COL5A2: variants seen among roughly 807,000 people sequenced by gnomAD.
The protein encoded by COL5A2 is collagen alpha-2(V) chain.
Under a neutral mutation model 208.2 loss-of-function variants are expected in COL5A2, and 23 were observed. The ratio of observed to expected loss-of-function variants is 0.11; its 90% CI spans 0.08 to 0.16. COL5A2 has a LOEUF of 0.16. Among genes scored for constraint, COL5A2 ranks in the 10% least tolerant of loss-of-function variants. The probability of loss-of-function intolerance (pLI) is 1.00; values close to 1 mark genes in which losing one functional copy is unlikely to be tolerated. For synonymous variants in COL5A2, 625 were observed against 628.5 expected, an observed-to-expected ratio of 0.99 and a Z score of 0.08; for missense variants, 1,590 against 1,956.4, an observed-to-expected ratio of 0.81 and a Z score of 3.53.
At chr2:189,115,915 T>G (rs1041000674) in intron 1 of COL5A2, among the ~76,000 whole-genome samples, 3 of 152,150 alleles carry the variant, frequency 2.0e-5, no homozygotes, top group Non-Finnish European at 4.4e-5. Flanking sequence ...CTTTTTTGAA[T>G]GAAAGGGAAT....
At chr2:189,173,388 T>C (rs1688611862) in intron 1 of COL5A2, among the ~76,000 whole-genome samples, 1 of 152,198 alleles carries the variant, frequency 6.6e-6, no homozygotes, top group Non-Finnish European at 1.5e-5. Flanking sequence ...CACCTTGATT[T>C]ATTTGAAGGG....
intron 6 of COL5A2, among the ~76,000 whole-genome samples, chr2:189,093,056 A>C (rs1387328959): frequency 6.6e-6 from 1 of 152,170 alleles, no homozygotes; most frequent in African/African-American, 2.4e-5. Context: ...TAGACCATTG[A>C]GAAATTAGAG....
At chr2:189,439,460 A>G in the COL5A2 span, among the ~76,000 whole-genome samples, 1 of 152,214 alleles carries the variant, frequency 6.6e-6, no homozygotes, top group Admixed American at 6.5e-5. Flanking sequence ...AACTGTGAGC[A>G]TAAGGACAAA....
intron 1 of COL5A2, among the ~76,000 whole-genome samples, chr2:189,195,219 G>A (rs563089304): frequency 1.3e-5 from 2 of 152,050 alleles, no homozygotes; most frequent in Non-Finnish European, 2.9e-5. Flanking sequence ...ATTCACAATT[G>A]CTACAAACAA....
chr2:189,084,443 TG>T (rs1219717620), intron 11 of COL5A2, among the ~76,000 whole-genome samples: 1 of 152,162 alleles, frequency 6.6e-6, no homozygotes, highest in Non-Finnish European at 1.5e-5. Context: ...TTCTTTCCTG[TG>T]GTTAAAAAGA....
At chr2:189,175,364 G>A (rs900804751) in intron 1 of COL5A2, among the ~76,000 whole-genome samples, 4 of 151,704 alleles carry the variant, frequency 2.6e-5, no homozygotes, top group African/African-American at 4.8e-5. Context: ...GAAAGTACAC[G>A]CAATGGCTGG....
intron 6 of COL5A2, among the ~76,000 whole-genome samples, chr2:189,094,553 ATTTCTCTCG>A (rs990555079): frequency 4.4e-5 from 5 of 112,520 alleles, no homozygotes; most frequent in African/African-American, 6.4e-5. Flanking sequence ...AAAGAACTTC[ATTTCTCTCG>A]TTTCTCTCTC....
the COL5A2 span, among the ~76,000 whole-genome samples, chr2:189,315,447 C>T: frequency 5.3e-5 from 8 of 152,194 alleles, no homozygotes; most frequent in Non-Finnish European, 1.0e-4. Flanking sequence ...ATAATAAGAA[C>T]CATATATGAC....
At chr2:189,148,158 T>C (rs949445240) in intron 1 of COL5A2, among the ~76,000 whole-genome samples, 25 of 152,126 alleles carry the variant, frequency 1.6e-4, no homozygotes, top group African/African-American at 6.0e-4. Flanking sequence ...CAAGCTATAT[T>C]ATGATGTGAA....
At chr2:189,206,263 T>C (rs1279802992) in intron 1 of COL5A2, among the ~76,000 whole-genome samples, 1 of 152,088 alleles carries the variant, frequency 6.6e-6, no homozygotes, top group African/African-American at 2.4e-5. Context: ...GAACCAACCA[T>C]ATGCTGAAAG....
At chr2:189,396,034 T>C in the COL5A2 span, among the ~76,000 whole-genome samples, 4 of 151,614 alleles carry the variant, frequency 2.6e-5, no homozygotes, top group Non-Finnish European at 5.9e-5. Context: ...ATCTACAGGA[T>C]GGAAATCAGG....
At chr2:189,285,383 C>A in the COL5A2 span, among the ~76,000 whole-genome samples, 1 of 152,068 alleles carries the variant, frequency 6.6e-6, no homozygotes, top group Non-Finnish European at 1.5e-5. Flanking sequence ...AGGACCTGCA[C>A]CTCCAGAGAA....
intron 45 of COL5A2, among the ~76,000 whole-genome samples, chr2:189,046,787 T>C (rs2153507510): frequency 6.7e-6 from 1 of 149,498 alleles, no homozygotes; most frequent in South Asian, 2.1e-4. Context: ...ATACATTGAA[T>C]AAGCTGAATT....
intron 1 of COL5A2, among the ~76,000 whole-genome samples, chr2:189,225,009 G>A (rs1689395152): frequency 6.6e-6 from 1 of 152,126 alleles, no homozygotes; most frequent in Non-Finnish European, 1.5e-5. Context: ...CAACTGCAAT[G>A]CATATCAAAA....
chr2:189,214,852 T>C (rs142421426), intron 1 of COL5A2, among the ~76,000 whole-genome samples: 97 of 152,310 alleles, frequency 6.4e-4, no homozygotes, highest in African/African-American at 2.3e-3. Context: ...AGAATTCCTT[T>C]AGATAAATTT....
chr2:189,051,271 T>C (rs1559079659), intron 42 of COL5A2, 49 bp downstream of exon 42: 1 of 1,612,160 alleles, frequency 6.2e-7, no homozygotes. Flanking sequence ...GGTTTCTATT[T>C]GTAAATATCT....
chr2:189,153,249 TGGAA>T (rs1202322518), intron 1 of COL5A2, among the ~76,000 whole-genome samples: 1 of 152,228 alleles, frequency 6.6e-6, no homozygotes, highest in Non-Finnish European at 1.5e-5. Flanking sequence ...GGAAATTGGT[TGGAA>T]GGAGTCAGAT....
the COL5A2 span, among the ~76,000 whole-genome samples, chr2:189,434,110 C>T: frequency 6.6e-6 from 1 of 151,814 alleles, no homozygotes; most frequent in African/African-American, 2.4e-5. Context: ...GCAGAAAAGG[C>T]CTTCGAAAAA....
intron 29 of COL5A2, 126 bp from the exon 30 acceptor site, chr2:189,061,741 C>A: frequency 1.3e-6 from 1 of 778,442 alleles, no homozygotes; most frequent in East Asian, 2.7e-5. Flanking sequence ...TTCTCTTTAG[C>A]CAGGTAATAA....
Sources: allele counts gnomAD v4.1 joint callset (sites outside exome capture counted in the v4.1 genomes callset), GRCh38; gene constraint gnomAD v4.1.1; transcripts MANE v1.5; gene names NCBI Gene and HGNC (gene_info 2026-07-23, HGNC 2026-07-21).